PBX1: variants seen among roughly 807,000 people sequenced by gnomAD.
PBX1 encodes the protein PBX homeobox 1, also known as pre-B-cell leukemia transcription factor 1.
Under a neutral mutation model 53.4 loss-of-function variants are expected in PBX1, and 6 were observed. The ratio of observed to expected loss-of-function variants is 0.11; its 90% CI spans 0.06 to 0.22. The LOEUF (loss-of-function observed/expected upper bound fraction) is 0.22. Among genes scored for constraint, PBX1 ranks in the 10% least tolerant of loss-of-function variants. PBX1 has a pLI of 1.00. For missense variants in PBX1, 251 were observed against 551.4 expected, an observed-to-expected ratio of 0.46 and a Z score of 5.46; for synonymous variants, 204 against 212.3, an observed-to-expected ratio of 0.96 and a Z score of 0.34.
At chr1:164,596,351 A>T (rs999876903) in intron 2 of PBX1, among the ~76,000 whole-genome samples, 1 of 152,194 alleles carries the variant, frequency 6.6e-6, no homozygotes, top group Non-Finnish European at 1.5e-5. Context: ...CTAGTTCATC[A>T]TAGTCCCTCC....
chr1:164,621,422 G>A (rs1327359589), intron 2 of PBX1, among the ~76,000 whole-genome samples: 5 of 152,180 alleles, frequency 3.3e-5, no homozygotes, highest in Non-Finnish European at 7.3e-5. Context: ...TTGGCTGATA[G>A]CACTATGAGA....
intron 2 of PBX1, among the ~76,000 whole-genome samples, chr1:164,787,455 G>A (rs1015751780): frequency 9.2e-5 from 14 of 152,042 alleles, no homozygotes; most frequent in African/African-American, 2.9e-4. Flanking sequence ...TTGACTGTCC[G>A]CCCGCCTGGA....
intron 2 of PBX1, among the ~76,000 whole-genome samples, chr1:164,660,883 C>A (rs1660449157): frequency 6.6e-6 from 1 of 152,200 alleles, no homozygotes; most frequent in South Asian, 2.1e-4. Context: ...TTCATATCCT[C>A]TCCCCTCACA....
At chr1:164,683,765 T>TC (rs398103314) in intron 2 of PBX1, 1 of 151,522 alleles carries the variant, frequency 6.6e-6, no homozygotes, top group African/African-American at 2.4e-5. Context: ...TTTTTTTTTT[T>TC]CAGTATTGAT....
At chr1:164,770,291 A>G (rs1332457787) in intron 2 of PBX1, 1 of 152,224 alleles carries the variant, frequency 6.6e-6, no homozygotes, top group Non-Finnish European at 1.5e-5. Context: ...CCAAGATTAC[A>G]AAGATCAAGA....
intron 2 of PBX1, among the ~76,000 whole-genome samples, chr1:164,749,338 A>G (rs532879105): frequency 6.6e-6 from 1 of 152,314 alleles, no homozygotes; most frequent in African/African-American, 2.4e-5. Flanking sequence ...AATTATTTTT[A>G]ACAACTGCTT....
At chr1:164,791,405 G>A (rs1558009908) in intron 2 of PBX1, among the ~76,000 whole-genome samples, 1 of 152,124 alleles carries the variant, frequency 6.6e-6, no homozygotes, top group Non-Finnish European at 1.5e-5. Context: ...TTGTTAAAAG[G>A]ACCTCACCCT....
chr1:164,663,189 T>C (rs866580144), intron 2 of PBX1, among the ~76,000 whole-genome samples: 37 of 129,336 alleles, frequency 2.9e-4, no homozygotes, highest in East Asian at 4.9e-4. Flanking sequence ...TTCCTTCCTG[T>C]CTTCCTTCCT....
intron 2 of PBX1, among the ~76,000 whole-genome samples, chr1:164,758,036 T>C (rs1160847693): frequency 6.6e-6 from 1 of 152,210 alleles, no homozygotes; most frequent in Admixed American, 6.5e-5. Flanking sequence ...TGATTTTTAG[T>C]TGGGCAGCAA....
intron 2 of PBX1, among the ~76,000 whole-genome samples, chr1:164,599,386 C>G (rs1483059367): frequency 6.6e-6 from 1 of 150,558 alleles, no homozygotes; most frequent in Non-Finnish European, 1.5e-5. Context: ...TTTCTTTTCT[C>G]TTTCTTCGGG....
At chr1:164,780,993 G>A (rs967145382) in intron 2 of PBX1, among the ~76,000 whole-genome samples, 2 of 152,204 alleles carry the variant, frequency 1.3e-5, no homozygotes, top group Non-Finnish European at 2.9e-5. Context: ...TGCTTTTCAT[G>A]CAGCCTGTTT....
intron 2 of PBX1, among the ~76,000 whole-genome samples, chr1:164,635,745 C>T (rs1454623048): frequency 6.6e-6 from 1 of 152,226 alleles, no homozygotes; most frequent in African/African-American, 2.4e-5. Context: ...TATATTGCAA[C>T]ATAACAGATT....
intron 2 of PBX1, among the ~76,000 whole-genome samples, chr1:164,667,113 C>A (rs1331245747): frequency 6.6e-6 from 1 of 152,168 alleles, no homozygotes; most frequent in Non-Finnish European, 1.5e-5. Context: ...ATTGCTCACC[C>A]TACCCAGACT....
At chr1:164,733,497 A>G (rs905858563) in intron 2 of PBX1, among the ~76,000 whole-genome samples, 1 of 152,198 alleles carries the variant, frequency 6.6e-6, no homozygotes, top group Admixed American at 6.5e-5. Flanking sequence ...TAAAAAAATC[A>G]TAGGACTATA....
intron 8 of PBX1, among the ~76,000 whole-genome samples, chr1:164,824,067 T>C (rs1440455514): frequency 1.3e-5 from 2 of 152,030 alleles, no homozygotes; most frequent in African/African-American, 2.4e-5. Context: ...GAAATGAAAA[T>C]AAACAGTTCC....
intron 2 of PBX1, among the ~76,000 whole-genome samples, chr1:164,694,920 C>T (rs1662721820): frequency 6.6e-6 from 1 of 152,166 alleles, no homozygotes. Flanking sequence ...GGTGTCTCTG[C>T]CTGTAATATC....
intron 8 of PBX1, among the ~76,000 whole-genome samples, chr1:164,826,246 C>A (rs1273408346): frequency 1.3e-5 from 2 of 152,116 alleles, no homozygotes; most frequent in African/African-American, 2.4e-5. Flanking sequence ...TTAGTAACTT[C>A]TATTCTTTCT....
chr1:164,626,202 G>A (rs1658030793), intron 2 of PBX1: 2 of 630,790 alleles, frequency 3.2e-6, no homozygotes, highest in African/African-American at 3.9e-5. Context: ...GGCTGCTGTT[G>A]AGGGAACCAC....
chr1:164,602,488 C>G (rs539441036), intron 2 of PBX1, among the ~76,000 whole-genome samples: 3 of 152,226 alleles, frequency 2.0e-5, no homozygotes, highest in Non-Finnish European at 4.4e-5. Flanking sequence ...AAGGGTTTAG[C>G]TGTATGGGAA....
Sources: gnomAD v4.1 joint callset for allele counts (sites outside exome capture counted in the v4.1 genomes callset) on GRCh38, gnomAD v4.1.1 for gene constraint, MANE v1.5 for transcripts, NCBI Gene and HGNC (gene_info 2026-07-23, HGNC 2026-07-21) for gene names.